The following DLG2 variants were observed in gnomAD, a reference collection of about 807,000 sequenced individuals.
DLG2 encodes the protein disks large homolog 2.
In DLG2, 45 loss-of-function variants were observed where a neutral mutation model predicts 132.5. The observed-to-expected ratio is 0.34, with a 90% CI of 0.27 to 0.44. DLG2 has a LOEUF of 0.44. DLG2 is among the 20% of genes least tolerant of loss of function. The probability of loss-of-function intolerance (pLI) is 1.00; values close to 1 mark genes in which losing one functional copy is unlikely to be tolerated. For synonymous variants in DLG2, 424 were observed against 419.6 expected (o/e 1.01, Z -0.13); for missense variants, 1,045 against 1,196.9 (o/e 0.87, Z 1.87).
At chr11:84,826,872 C>G (rs1383018760) in intron 6 of DLG2, among the ~76,000 whole-genome samples, 1 of 151,870 alleles carries the variant, frequency 6.6e-6, no homozygotes, top group Non-Finnish European at 1.5e-5. Flanking sequence ...ATTACTTCTT[C>G]AAAATCTTTC....
chr11:83,471,763 AAG>A (rs753978992), intron 23 of DLG2, 36 bp from the exon 24 acceptor site: 55 of 1,570,234 alleles, frequency 3.5e-5, no homozygotes, highest in Middle Eastern at 1.7e-4. Context: ...GGTAAAGAGA[AAG>A]AGTTGGAAAC....
At chr11:84,155,721 A>G (rs1207357847) in intron 9 of DLG2, among the ~76,000 whole-genome samples, 1 of 152,098 alleles carries the variant, frequency 6.6e-6, no homozygotes, top group Non-Finnish European at 1.5e-5. Flanking sequence ...ATTCACACAT[A>G]TTATATAAAT....
chr11:83,679,831 C>T (rs962132832), intron 18 of DLG2, among the ~76,000 whole-genome samples: 1 of 152,136 alleles, frequency 6.6e-6, no homozygotes, highest in African/African-American at 2.4e-5. Flanking sequence ...GTGTGAGGTG[C>T]AGACAATAAT....
At chr11:84,633,183 T>C (rs1594384861) in intron 6 of DLG2, among the ~76,000 whole-genome samples, 1 of 152,226 alleles carries the variant, frequency 6.6e-6, no homozygotes, top group South Asian at 2.1e-4. Context: ...TGAAACTCTT[T>C]GGTTGCTCTT....
chr11:84,866,221 T>C (rs1600233237), intron 6 of DLG2, among the ~76,000 whole-genome samples: 1 of 152,268 alleles, frequency 6.6e-6, no homozygotes, highest in South Asian at 2.1e-4. Context: ...AGGAGCAGCA[T>C]CAAAGCCAAG....
At chr11:85,010,325 C>T (rs191747055) in intron 6 of DLG2, among the ~76,000 whole-genome samples, 134 of 152,154 alleles carry the variant, frequency 8.8e-4, no homozygotes, top group African/African-American at 3.2e-3. Flanking sequence ...TAAAGACACT[C>T]TGATGACACA....
Position 84,373,563 on chromosome 11 carries a change from C to G in DLG2, c.520-122272G>C, listed in dbSNP as rs553303752. 4.2e-4 allele frequency among the ~76,000 whole-genome samples: 63 copies of G among 151,154 alleles called. 1 individual carries two copies. The highest frequency in any genetic ancestry group is 3.5e-3 in the South Asian group (17 of 4,796). On this transcript the variant is annotated intron_variant, in intron 7 of 27. Coordinates refer to ENST00000376104, the MANE Select transcript of DLG2 (RefSeq NM_001142699.3). The stretch of plus-strand genomic sequence containing the variant: ...CCAGCCTGGGTGACAGAGCAAGACT[C>G]TGTCTAAAAAGAAAAAAAAAAGAAA...
intron 6 of DLG2, among the ~76,000 whole-genome samples, chr11:84,809,303 A>G (rs1269311978): frequency 2.0e-5 from 3 of 152,012 alleles, no homozygotes; most frequent in East Asian, 3.9e-4. Context: ...AAGTGCATCT[A>G]TAAAAAATCT....
chr11:84,996,935 C>G (rs1404248695), intron 6 of DLG2, among the ~76,000 whole-genome samples: 4 of 152,144 alleles, frequency 2.6e-5, no homozygotes, highest in Non-Finnish European at 5.9e-5. Context: ...AAGTTACCAG[C>G]CTTTCTTCTT....
rs200108753 is a variant in DLG2 at position 84,663,249 on chromosome 11, ATT to A, written c.358-128520_358-128519del. Among the ~76,000 whole-genome samples the A allele has an allele frequency of 1.7e-3, 177 of 102,304 alleles. 2 individuals are homozygous for A. Among genetic ancestry groups the A allele is most frequent in the African/African-American group, 6.9e-3 (171 of 24,798 alleles). The allele number at this position is 102,304 out of a possible 152,430, so 67.1% of individuals were successfully genotyped here. A position where few individuals can be genotyped will look rare whatever the true frequency, so the allele number is the denominator to read the frequency against. On this transcript the variant is annotated intron_variant, in intron 6 of 27. Coordinates refer to ENST00000376104, the MANE Select transcript of DLG2 (RefSeq NM_001142699.3). ...ACAGGTTATATATATATATATATAT[ATT>A]TTTTTTTCATATATTCTGCATGGTC...
At chr11:83,910,507 T>A (rs1029936827) in intron 15 of DLG2, among the ~76,000 whole-genome samples, 1 of 152,148 alleles carries the variant, frequency 6.6e-6, no homozygotes, top group African/African-American at 2.4e-5. Context: ...TGTAGCATGG[T>A]AGAATGACTG....
chr11:85,416,122 A>G (rs1036265365), intron 3 of DLG2, among the ~76,000 whole-genome samples: 1 of 152,236 alleles, frequency 6.6e-6, no homozygotes, highest in Non-Finnish European at 1.5e-5. Context: ...CACTTATTAA[A>G]TAGGGAATCC....
intron 18 of DLG2, among the ~76,000 whole-genome samples, chr11:83,658,635 C>T (rs1011959822): frequency 2.6e-5 from 4 of 152,356 alleles, no homozygotes; most frequent in Admixed American, 6.5e-5. Context: ...GCATGACCCA[C>T]CTTCCTATTC....
intron 6 of DLG2, among the ~76,000 whole-genome samples, chr11:85,048,873 G>A (rs2062616559): frequency 6.6e-6 from 1 of 151,988 alleles, no homozygotes; most frequent in African/African-American, 2.4e-5. Context: ...TGAGAACATG[G>A]AGAAATGAAT....
Position 84,924,862 on chromosome 11 carries a change from C to T in DLG2, c.357+186799G>A, listed in dbSNP as rs186647994. ...AGTGACTTCCAGGACATTAAAAAAT[C>T]GACATGGATGCCCAGCTCTCATCAT... On this transcript the variant is annotated intron_variant, in intron 6 of 27. Coordinates refer to ENST00000376104, the MANE Select transcript of DLG2 (RefSeq NM_001142699.3). 9.9e-4 allele frequency among the ~76,000 whole-genome samples: 151 copies of T among 152,240 alleles called. 1 individual carries two copies. The highest frequency in any genetic ancestry group is 3.5e-3 in the African/African-American group (146 of 41,534).
At chr11:84,451,840 A>C (rs1418959585) in intron 7 of DLG2, among the ~76,000 whole-genome samples, 2 of 151,850 alleles carry the variant, frequency 1.3e-5, no homozygotes, top group African/African-American at 4.8e-5. Flanking sequence ...GGAATGGTTA[A>C]ATTTTTCTGA....
chr11:84,950,741 A>G (rs1383585943), intron 6 of DLG2, among the ~76,000 whole-genome samples: 1 of 152,060 alleles, frequency 6.6e-6, no homozygotes, highest in Non-Finnish European at 1.5e-5. Flanking sequence ...ACACACACAC[A>G]CACGCACCCC....
chr11:84,239,654 C>T (rs2097201583), intron 8 of DLG2, among the ~76,000 whole-genome samples: 1 of 152,182 alleles, frequency 6.6e-6, no homozygotes, highest in Non-Finnish European at 1.5e-5. Context: ...ATATTATCTC[C>T]AATGCTTACA....
chr11:84,247,909 A>G (rs1189523972), intron 8 of DLG2, among the ~76,000 whole-genome samples: 1 of 152,200 alleles, frequency 6.6e-6, no homozygotes, highest in African/African-American at 2.4e-5. Flanking sequence ...AAAGACTTTA[A>G]TATATGTTAA....
Sources: allele counts gnomAD v4.1 joint callset (sites outside exome capture counted in the v4.1 genomes callset), GRCh38; gene constraint gnomAD v4.1.1; transcripts MANE v1.5; gene names NCBI Gene and HGNC (gene_info 2026-07-23, HGNC 2026-07-21).